The following GHR variants were observed in gnomAD, a reference collection of about 807,000 sequenced individuals.
GHR encodes GH receptor.
A neutral mutation model predicts 67.1 loss-of-function variants in GHR; 35 were observed. That is an observed-to-expected ratio of 0.52 (90% CI 0.40 to 0.69). The LOEUF is 0.69. GHR is among the 30% of genes least tolerant of loss of function. GHR has a pLI of 0.00. For missense variants in GHR, 792 were observed against 764.6 expected (o/e 1.04, Z -0.42); for synonymous variants, 272 against 269.1 (o/e 1.01, Z -0.10).
chr5:42,550,255 G>C (rs1264419039), intron 1 of GHR: 1 of 159,594 alleles, frequency 6.3e-6, no homozygotes, highest in African/African-American at 2.4e-5. Flanking sequence ...ACCAGCTCCG[G>C]GGGCTTAGAC....
chr5:42,654,462 T>A (rs916274766), intron 3 of GHR, among the ~76,000 whole-genome samples: 3 of 152,164 alleles, frequency 2.0e-5, no homozygotes, highest in Non-Finnish European at 4.4e-5. Context: ...GGTGTTTAAT[T>A]TCCTTTATAA....
chr5:42,687,889 G>T (rs1409565483), intron 3 of GHR, among the ~76,000 whole-genome samples: 1 of 152,130 alleles, frequency 6.6e-6, no homozygotes, highest in Non-Finnish European at 1.5e-5. Context: ...TCTCCAAAAT[G>T]GCCATGGACA....
At chr5:42,713,606 T>C (rs1758579297) in intron 8 of GHR, 87 bp downstream of exon 8, 1 of 760,588 alleles carries the variant, frequency 1.3e-6, no homozygotes. Flanking sequence ...ATATTTTCTT[T>C]GTCAAATTAT....
At chr5:42,670,516 A>G (rs766840067) in intron 3 of GHR, among the ~76,000 whole-genome samples, 2 of 152,244 alleles carry the variant, frequency 1.3e-5, no homozygotes, top group Non-Finnish European at 2.9e-5. Context: ...AAAAATAGAC[A>G]AATGGCATTG....
At chr5:42,712,303 T>C (rs933839175) in intron 7 of GHR, among the ~76,000 whole-genome samples, 2 of 152,154 alleles carry the variant, frequency 1.3e-5, no homozygotes, top group Non-Finnish European at 1.5e-5. Flanking sequence ...TCCAAACTAT[T>C]TGATATTATG....
chr5:42,611,077 G>A (rs1752866755), intron 2 of GHR, among the ~76,000 whole-genome samples: 1 of 152,096 alleles, frequency 6.6e-6, no homozygotes, highest in Non-Finnish European at 1.5e-5. Context: ...ATTGATGAAG[G>A]CCCTTCACTA....
intron 2 of GHR, among the ~76,000 whole-genome samples, chr5:42,568,435 G>A (rs548969069): frequency 6.6e-6 from 1 of 152,210 alleles, no homozygotes; most frequent in East Asian, 1.9e-4. Context: ...CCAAAATCAG[G>A]AATGATCCAC....
chr5:42,714,843 A>C (rs1192362902), intron 8 of GHR, among the ~76,000 whole-genome samples: 1 of 152,200 alleles, frequency 6.6e-6, no homozygotes, highest in African/African-American at 2.4e-5. Context: ...GATTAATTTC[A>C]GTTTATTAAT....
chr5:42,512,652 A>G (rs1747067376), intron 1 of GHR, among the ~76,000 whole-genome samples: 1 of 152,094 alleles, frequency 6.6e-6, no homozygotes, highest in African/African-American at 2.4e-5. Context: ...AACTATCAAT[A>G]TTCATTTCTG....
intron 7 of GHR, 93 bp downstream of exon 7, chr5:42,711,465 T>C: frequency 1.2e-6 from 1 of 855,346 alleles, no homozygotes; most frequent in South Asian, 1.3e-5. Flanking sequence ...GTTGTCCAAA[T>C]CAAAATATAT....
At chr5:42,675,893 T>C (rs1276442752) in intron 3 of GHR, among the ~76,000 whole-genome samples, 1 of 152,228 alleles carries the variant, frequency 6.6e-6, no homozygotes, top group Non-Finnish European at 1.5e-5. Flanking sequence ...TAACTGGAAA[T>C]GTAGACTGTG....
At chr5:42,638,508 T>C (rs925121347) in intron 3 of GHR, among the ~76,000 whole-genome samples, 3 of 152,198 alleles carry the variant, frequency 2.0e-5, no homozygotes, top group Non-Finnish European at 4.4e-5. Flanking sequence ...CTTTATGATA[T>C]AGTCTATTGT....
intron 1 of GHR, chr5:42,467,882 C>A (rs1744806653): frequency 1.2e-6 from 1 of 829,188 alleles, no homozygotes; most frequent in Non-Finnish European, 2.0e-6. Flanking sequence ...AGATTTCTTA[C>A]ATTTCTGGTC....
intron 1 of GHR, among the ~76,000 whole-genome samples, chr5:42,551,183 T>C (rs1749011792): frequency 6.6e-6 from 1 of 152,206 alleles, no homozygotes; most frequent in South Asian, 2.1e-4. Context: ...GGCCTGTGTC[T>C]TGCCCTTAGA....
rs1463881538 is a variant in GHR at position 42,719,531 on chromosome 5, G to A, written c.*107G>A. 1 of 1,033,532 alleles carries A rather than the reference G, an allele frequency of 9.7e-7. No homozygotes were observed. The highest frequency in any genetic ancestry group is 1.6e-5 in the African/African-American group (1 of 63,998). 64.0% of individuals were successfully genotyped at this position (1,033,532 alleles called of 1,614,324 possible). On this transcript the variant is annotated 3_prime_UTR_variant, in exon 10 of 10. Transcript: ENST00000230882. ...TAAACCTTTTTTGGGGGAGTGACAG[G>A]ATGGGGTATGGATTCTAAAATGCCT...
At position 42,718,463 on chromosome 5, in the gene GHR, T is replaced by C; in HGVS notation, c.956T>C (p.Leu319Ser). The change falls in exon 10 of 10, where the codon TTA (leucine) becomes TCA (serine). Residue 319 changes from leucine (L) to serine (S), a missense_variant. By Grantham distance (145) the Leu-to-Ser change is moderately radical. Coordinates refer to ENST00000230882, the MANE Select transcript of GHR (RefSeq NM_000163.5). ...CTTTCTATTTTCTAGGAAGGAAAAT[T>C]AGAGGAGGTGAACACAATCTTAGCC... ...IDPDLLKEGKLEEVNTILAIH... is the reference protein window; with the variant it reads ...IDPDLLKEGKSEEVNTILAIH... 6.2e-7 allele frequency: 1 copy of C among 1,608,378 alleles called. No homozygotes were observed. Among genetic ancestry groups the C allele is most frequent in the Non-Finnish European group, 8.5e-7 (1 of 1,175,020 alleles).
intron 1 of GHR, among the ~76,000 whole-genome samples, chr5:42,507,116 T>C (rs1010479672): frequency 6.6e-6 from 1 of 152,226 alleles, no homozygotes; most frequent in Non-Finnish European, 1.5e-5. Context: ...AGGCTTTTAT[T>C]AGGCTGGGAG....
intron 2 of GHR, among the ~76,000 whole-genome samples, chr5:42,587,683 G>C (rs72754937): frequency 6.7e-6 from 1 of 148,710 alleles, no homozygotes; most frequent in Non-Finnish European, 1.5e-5. Flanking sequence ...TTTTTTTTTT[G>C]TTTTTTTAAG....
At chr5:42,679,437 C>T (rs1182890501) in intron 3 of GHR, among the ~76,000 whole-genome samples, 4 of 151,294 alleles carry the variant, frequency 2.6e-5, no homozygotes, top group Non-Finnish European at 5.9e-5. Context: ...CCATCCTGGC[C>T]AACATGGTGA....
Sources: gnomAD v4.1 joint callset for allele counts (sites outside exome capture counted in the v4.1 genomes callset) on GRCh38, gnomAD v4.1.1 for gene constraint, MANE v1.5 for transcripts, NCBI Gene and HGNC (gene_info 2026-07-23, HGNC 2026-07-21) for gene names.